Variants in LIMK2 observed in about 807,000 individuals in gnomAD.
LIMK2 encodes the protein LIM domain kinase 2.
Under a neutral mutation model 75.7 loss-of-function variants are expected in LIMK2, and 35 were observed. That is an observed-to-expected ratio of 0.46 (90% CI 0.35 to 0.61). The LOEUF (loss-of-function observed/expected upper bound fraction) is 0.61, where lower values mean the gene tolerates loss of function less well. Among genes scored for constraint, LIMK2 ranks in the 20% least tolerant of loss-of-function variants. The pLI, the probability that LIMK2 is intolerant of heterozygous loss-of-function variation, is 0.00. For synonymous variants in LIMK2, 301 were observed against 319.2 expected (o/e 0.94, Z 0.61); for missense variants, 623 against 831.0 (o/e 0.75, Z 3.08).
chr22:31,276,240 A>G lies in LIMK2; in HGVS notation c.1772+932A>G, dbSNP rs571420880. On this transcript the variant is annotated intron_variant, in intron 15 of 15. Transcript: ENST00000331728. ...ACAAGAGTGAAACTCTGTCTCAAAA[A>G]TGGGGTTCTTTTCCTGCCATCAAAA... 1.7e-4 allele frequency among the ~76,000 whole-genome samples: 26 copies of G among 152,262 alleles called. No individual in the cohort carries two copies. In the South Asian group the frequency reaches 2.7e-3, roughly 16 times the overall value.
rs771325419 is a variant in LIMK2 at position 31,262,580 on chromosome 22, T to G, written c.658-15T>G. On this transcript the variant is annotated splice_polypyrimidine_tract_variant and intron_variant, in intron 6 of 15. Coordinates refer to ENST00000331728, the MANE Select transcript of LIMK2 (RefSeq NM_005569.4). This position sits in a 1 kb window ranked among gnomAD's most constrained non-coding sequence, Gnocchi z 5.0. ...GGGGCAGCCTGTGGGAGCTTTATAC[T>G]GCTCTTGGCCACAGGTGGAGGATGC... 7 of 1,603,276 alleles carry G rather than the reference T, an allele frequency of 4.4e-6. No homozygotes were observed. In the South Asian group the frequency reaches 7.8e-5, roughly 18 times the overall value.
At chr22:31,231,481 T>G (rs140654542) in intron 2 of LIMK2, among the ~76,000 whole-genome samples, 27 of 152,336 alleles carry the variant, frequency 1.8e-4, no homozygotes, top group Admixed American at 3.3e-4. Context: ...CGTAGATCAT[T>G]AAGGCTGGCT....
rs368377617 is a variant in LIMK2 at position 31,271,169 on chromosome 22, G to C, written c.1351G>C (p.Asp451His). 1.9e-6 allele frequency: 3 copies of C among 1,614,092 alleles called. No homozygotes were observed. Among genetic ancestry groups the C allele is most frequent in the Non-Finnish European group, 2.5e-6 (3 of 1,179,996 alleles). ...GCACTCTATGTGCATCATCCACCGG[G>C]ATCTGAACTCGCACAACTGCCTCAT... ...YLHSMCIIHR[D>H]LNSHNCLIKL... Residue 451 changes from aspartate (D) to histidine (H), a missense_variant, in exon 12 of 16, where the codon GAT becomes CAT. By Grantham distance (81) the Asp-to-His change is moderately conservative. Coordinates refer to ENST00000331728, the MANE Select transcript of LIMK2 (RefSeq NM_005569.4).
At chr22:31,251,227 T>C (rs1199112465) in intron 2 of LIMK2, among the ~76,000 whole-genome samples, 3 of 152,244 alleles carry the variant, frequency 2.0e-5, no homozygotes, top group Non-Finnish European at 4.4e-5. Flanking sequence ...TTTCTTTTTA[T>C]AGAATTTCAC....
intron 2 of LIMK2, among the ~76,000 whole-genome samples, chr22:31,246,181 A>ACG (rs1430607578): frequency 2.0e-4 from 23 of 115,178 alleles, no homozygotes; most frequent in South Asian, 5.7e-4. Flanking sequence ...ACACGCACGC[A>ACG]CGCACACACA....
At chr22:31,237,615 C>A (rs2048590574) in intron 2 of LIMK2, among the ~76,000 whole-genome samples, 2 of 151,474 alleles carry the variant, frequency 1.3e-5, no homozygotes, top group Non-Finnish European at 2.9e-5. Flanking sequence ...TTACAACCTA[C>A]CCTCACAGTA....
intron 2 of LIMK2, among the ~76,000 whole-genome samples, chr22:31,240,603 T>C (rs2048616561): frequency 6.6e-6 from 1 of 152,120 alleles, no homozygotes; most frequent in South Asian, 2.1e-4. Context: ...TTATGTGTTT[T>C]AGTAGAGACG....
rs2048587494 is a variant in LIMK2 at position 31,237,302 on chromosome 22, G to A, written c.116+11483G>A. Among the ~76,000 whole-genome samples the A allele has an allele frequency of 4.6e-5, 7 of 150,854 alleles. No individual in the cohort carries two copies. In the South Asian group the frequency reaches 1.3e-3, roughly 27 times the overall value. On this transcript the variant is annotated intron_variant, in intron 2 of 15. Coordinates refer to ENST00000331728, the MANE Select transcript of LIMK2 (RefSeq NM_005569.4). ...ATGGAGGTTGGGCGCGGTGGCTCGC[G>A]CCTGTAATCCCAGCACTTTGGGAGG... is the stretch of plus-strand genomic sequence containing the variant.
chr22:31,251,320 A>G (rs190765923), intron 2 of LIMK2, among the ~76,000 whole-genome samples: 3 of 152,350 alleles, frequency 2.0e-5, no homozygotes, highest in Admixed American at 2.0e-4. Context: ...GTTCCAAAGC[A>G]ATCCATGTTT....
At chr22:31,231,246 T>G (rs530284048) in intron 2 of LIMK2, among the ~76,000 whole-genome samples, 33 of 152,192 alleles carry the variant, frequency 2.2e-4, no homozygotes, top group Admixed American at 3.9e-4. Context: ...TGAAGGGTGT[T>G]AGTTTAAAGG....
At chr22:31,236,452 T>C (rs2048575406) in intron 2 of LIMK2, among the ~76,000 whole-genome samples, 1 of 148,868 alleles carries the variant, frequency 6.7e-6, no homozygotes, top group African/African-American at 2.5e-5. Flanking sequence ...CCACAAAAAA[T>C]CAAAAATTTA....
intron 2 of LIMK2, among the ~76,000 whole-genome samples, chr22:31,246,183 GCACACACACACACACA>G (rs57524309): frequency 1.5e-5 from 2 of 134,994 alleles, no homozygotes; most frequent in African/African-American, 2.7e-5. Context: ...ACGCACGCAC[GCACACACACACACACA>G]CACACACACA....
At chr22:31,235,835 G>C (rs1218929794) in intron 2 of LIMK2, among the ~76,000 whole-genome samples, 1 of 152,176 alleles carries the variant, frequency 6.6e-6, no homozygotes, top group Non-Finnish European at 1.5e-5. Flanking sequence ...TTTGTCCTCT[G>C]TGAGTTGAAC....
chr22:31,241,113 A>G (rs1272581632), intron 2 of LIMK2, among the ~76,000 whole-genome samples: 1 of 152,248 alleles, frequency 6.6e-6, no homozygotes, highest in Admixed American at 6.5e-5. Context: ...TCTTAGCCCC[A>G]GTCTCAGCGA....
intron 5 of LIMK2, among the ~76,000 whole-genome samples, chr22:31,260,636 A>G (rs1392731432): frequency 1.3e-5 from 2 of 152,230 alleles, no homozygotes; most frequent in Non-Finnish European, 2.9e-5. Context: ...CTGGCCGCTT[A>G]CCATGTAAAT....
chr22:31,247,402 A>G (rs2048680820), intron 2 of LIMK2, among the ~76,000 whole-genome samples: 1 of 152,100 alleles, frequency 6.6e-6, no homozygotes, highest in Admixed American at 6.5e-5. Context: ...TTTCTCCCTC[A>G]TGCCCCATTT....
In LIMK2 at chr22:31,278,717, G is replaced by A. The variant is rs1318950601; in HGVS notation, c.*276G>A. 2 of 284,096 alleles carry A rather than the reference G, an allele frequency of 7.0e-6. No homozygotes were observed. The highest frequency in any genetic ancestry group is 1.3e-5 in the Non-Finnish European group (2 of 151,468). The allele number at this position is 284,096 out of a possible 1,614,324, so 17.6% of individuals were successfully genotyped here. A position where few individuals can be genotyped will look rare whatever the true frequency, so the allele number is the denominator to read the frequency against. ...AAACCCCTGGCCTTTGGGCCAGGAG[G>A]AATCTGTTACTCGAATCCACCCAGG... On this transcript the variant is annotated 3_prime_UTR_variant, in exon 16 of 16. Coordinates refer to ENST00000331728, the MANE Select transcript of LIMK2 (RefSeq NM_005569.4).
At chr22:31,268,805 G>A (rs1288540667) in intron 11 of LIMK2, among the ~76,000 whole-genome samples, 1 of 152,208 alleles carries the variant, frequency 6.6e-6, no homozygotes, top group Non-Finnish European at 1.5e-5. Flanking sequence ...GACAACCTTG[G>A]TTTCCAGATA....
intron 2 of LIMK2, among the ~76,000 whole-genome samples, chr22:31,246,771 A>C (rs35289043): frequency 3.6e-3 from 488 of 133,780 alleles, no homozygotes; most frequent in Non-Finnish European, 4.0e-3. Flanking sequence ...AAAAAAAAAA[A>C]CAAAAAAAAA....
Sources: allele counts gnomAD v4.1 joint callset (sites outside exome capture counted in the v4.1 genomes callset), GRCh38; gene constraint gnomAD v4.1.1; non-coding constraint Gnocchi (gnomAD v3.1); transcripts MANE v1.5; gene names NCBI Gene and HGNC (gene_info 2026-07-23, HGNC 2026-07-21).